ABR: variants seen among roughly 807,000 people sequenced by gnomAD.
The protein encoded by ABR is ABR activator of RhoGEF and GTPase.
A neutral mutation model predicts 107.2 loss-of-function variants in ABR; 35 were observed. The observed-to-expected ratio is 0.33, with a 90% confidence interval of 0.25 to 0.43. The LOEUF is 0.43. ABR is among the 20% of genes least tolerant of loss of function. ABR has a pLI of 1.00. For missense variants in ABR, 815 were observed against 1,115.2 expected (o/e 0.73, Z 3.83); for synonymous variants, 498 against 462.0 (o/e 1.08, Z -1.00).
chr17:1,110,065 C>A (rs2151390097), intron 2 of ABR, among the ~76,000 whole-genome samples: 1 of 151,056 alleles, frequency 6.6e-6, no homozygotes, highest in Non-Finnish European at 1.5e-5. Context: ...GCAGCCCCCC[C>A]AGCCACCCCA....
chr17:1,216,586 G>A (rs2043015175), intron 1 of ABR, among the ~76,000 whole-genome samples: 1 of 152,208 alleles, frequency 6.6e-6, no homozygotes, highest in Non-Finnish European at 1.5e-5. Flanking sequence ...AGATTGCTAG[G>A]TAAAACCTGG....
rs987401096 is a variant in ABR at position 1,224,721 on chromosome 17, C to G, written c.838+4072G>C. ...ACAGGGACTCGCTCTGTCACCCAGG[C>G]TGGAGTGCAGTGGCACAATCATAGC... is the stretch of plus-strand genomic sequence containing the variant. On this transcript the variant is annotated intron_variant, in intron 1 of 22. Coordinates refer to the ABR transcript ENST00000574139. Among the ~76,000 whole-genome samples the G allele has an allele frequency of 2.0e-5, 3 of 152,270 alleles. No homozygotes were observed. In the South Asian group the frequency reaches 6.2e-4, roughly 32 times the overall value.
chr17:1,043,135 C>T (rs189341869), intron 16 of ABR, among the ~76,000 whole-genome samples: 2 of 152,306 alleles, frequency 1.3e-5, no homozygotes, highest in East Asian at 3.9e-4. Context: ...CTGCACAGCA[C>T]CAAATCCACC....
chr17:1,214,390 T>C (rs2042959886), intron 1 of ABR, among the ~76,000 whole-genome samples: 1 of 152,196 alleles, frequency 6.6e-6, no homozygotes, highest in African/African-American at 2.4e-5. Context: ...AGGGATGACT[T>C]AGGCAAAATA....
chr17:1,143,091 A>G (rs1002817483), intron 1 of ABR, among the ~76,000 whole-genome samples: 14 of 20,390 alleles, frequency 6.9e-4, no homozygotes, highest in African/African-American at 2.1e-3. Flanking sequence ...GGGACAGCTC[A>G]TTCCTGGGGG....
intron 16 of ABR, chr17:1,031,735 C>CGGT (rs2072788587): frequency 8.1e-7 from 1 of 1,238,628 alleles, no homozygotes; most frequent in Non-Finnish European, 1.0e-6. Flanking sequence ...GGCAGGACGT[C>CGGT]GGTCATGCCG....
intron 16 of ABR, among the ~76,000 whole-genome samples, chr17:1,018,468 C>T (rs973635125): frequency 6.6e-6 from 1 of 152,226 alleles, no homozygotes; most frequent in African/African-American, 2.4e-5. Context: ...AGGCCAATTC[C>T]ATGGCCCCTG....
chr17:1,202,683 T>C (rs184918638), intron 1 of ABR, among the ~76,000 whole-genome samples: 92 of 152,180 alleles, frequency 6.0e-4, no homozygotes, highest in African/African-American at 2.0e-3. Context: ...TCCATAGCCA[T>C]CTACTCCTAA....
intron 2 of ABR, among the ~76,000 whole-genome samples, chr17:1,109,809 A>C (rs539537051): frequency 6.6e-6 from 1 of 152,086 alleles, no homozygotes; most frequent in South Asian, 2.1e-4. Flanking sequence ...CCTGCACAGG[A>C]GCGGTGGGCG....
At position 1,210,636 on chromosome 17, in the gene ABR, A is replaced by G. The variant is rs759977330; in HGVS notation, c.838+18157T>C. 7.3e-4 allele frequency among the ~76,000 whole-genome samples: 110 copies of G among 151,722 alleles called. 1 individual carries two copies. The Middle Eastern group carries it at 0.017, about 24-fold the overall frequency. On this transcript the variant is annotated intron_variant, in intron 1 of 22. Transcript: ENST00000574139. The surrounding 1 kb of genome is among the most constrained non-coding windows in gnomAD (Gnocchi z 5.6). ...GCTTTCTGCTATTGTGTTTGCTCTC[A>G]AGCCAAAAATCACTTTGGGCTGTTT...
chr17:1,223,326 CAG>C (rs1555623958), intron 1 of ABR, among the ~76,000 whole-genome samples: 30 of 151,194 alleles, frequency 2.0e-4, no homozygotes, highest in South Asian at 6.3e-4. Flanking sequence ...CACACACACA[CAG>C]AGACACGAAT....
chr17:1,198,802 A>ATTTT (rs538633476), intron 1 of ABR, among the ~76,000 whole-genome samples: 1 of 116,222 alleles, frequency 8.6e-6, no homozygotes. Flanking sequence ...CACCTGGCAA[A>ATTTT]TTTTTTTTTT....
chr17:1,139,978 A>G (rs919739090), intron 1 of ABR, among the ~76,000 whole-genome samples: 1 of 152,106 alleles, frequency 6.6e-6, no homozygotes, highest in African/African-American at 2.4e-5. Flanking sequence ...CGAGCTCTGG[A>G]GGGGTCAGAC....
chr17:1,204,696 TATATC>T (rs935688987), intron 1 of ABR, among the ~76,000 whole-genome samples: 13 of 152,150 alleles, frequency 8.5e-5, no homozygotes, highest in Admixed American at 2.0e-4. Context: ...GTCTATATCA[TATATC>T]ATATCTATAT....
chr17:1,195,232 G>A (rs1159223507), intron 1 of ABR, among the ~76,000 whole-genome samples: 21 of 138,274 alleles, frequency 1.5e-4, no homozygotes, highest in Admixed American at 3.4e-4. Flanking sequence ...GCGTGAACCC[G>A]GAAGGCGGAG....
chr17:1,100,769 G>A (rs781153252), intron 2 of ABR, 34 bp from the exon 3 acceptor site: 3 of 1,606,562 alleles, frequency 1.9e-6, no homozygotes, highest in Non-Finnish European at 2.6e-6. Context: ...AACAGCTCAT[G>A]AGCAAGGAGG....
At chr17:1,140,810 T>C in intron 1 of ABR, among the ~76,000 whole-genome samples, 1 of 152,102 alleles carries the variant, frequency 6.6e-6, no homozygotes, top group East Asian at 1.9e-4. Flanking sequence ...CTCGAACTCC[T>C]GACCTCAAGT....
intron 1 of ABR, among the ~76,000 whole-genome samples, chr17:1,152,936 T>C (rs1333521606): frequency 1.3e-5 from 2 of 151,604 alleles, no homozygotes; most frequent in African/African-American, 4.9e-5. Context: ...CTACTGACAA[T>C]ACAAAATTAG....
chr17:1,146,628 CTGCCACA>C (rs2040540307), intron 1 of ABR, among the ~76,000 whole-genome samples: 5 of 32,172 alleles, frequency 1.6e-4, no homozygotes, highest in African/African-American at 5.8e-4. Context: ...ACTGCCACCA[CTGCCACA>C]TGCCACCACT....
Sources: gnomAD v4.1 joint callset for allele counts (sites outside exome capture counted in the v4.1 genomes callset) on GRCh38, gnomAD v4.1.1 for gene constraint, Gnocchi (gnomAD v3.1) non-coding constraint, MANE v1.5 for transcripts, NCBI Gene and HGNC (gene_info 2026-07-23, HGNC 2026-07-21) for gene names.